HPS3: variants seen among roughly 807,000 people sequenced by gnomAD.
HPS3 encodes BLOC-2 complex member HPS3.
HPS3 carries 79 observed loss-of-function variants against 110.9 expected under a neutral mutation model. The ratio of observed to expected loss-of-function variants is 0.71; its 90% CI spans 0.59 to 0.86. The LOEUF (loss-of-function observed/expected upper bound fraction) is 0.86. HPS3 is among the 40% of genes least tolerant of loss of function. The pLI, the probability that HPS3 is intolerant of heterozygous loss-of-function variation, is 0.00. For missense variants in HPS3, 1,197 were observed against 1,206.2 expected, an observed-to-expected ratio of 0.99 and a Z score of 0.11; for synonymous variants, 428 against 451.0, an observed-to-expected ratio of 0.95 and a Z score of 0.65.
chr3:149,138,846 T>A (rs1427285125), intron 1 of HPS3, among the ~76,000 whole-genome samples: 1 of 152,088 alleles, frequency 6.6e-6, no homozygotes, highest in African/African-American at 2.4e-5. Flanking sequence ...GCCGTGAGAG[T>A]CCATGTTTCT....
chr3:149,162,713 T>C lies in HPS3; in HGVS notation c.2316T>C (p.Asp772=), dbSNP rs1450433255. The C allele has an allele frequency of 1.9e-6, 3 of 1,613,904 alleles. No homozygotes were observed. Among genetic ancestry groups the C allele is most frequent in the Non-Finnish European group, 2.5e-6 (3 of 1,179,930 alleles). ...FFKVLCAKDE[D]TIPQLLVDFW... is the part of the protein sequence containing the mutation. ...AGGTGCTTTGTGCTAAGGATGAAGA[T>C]ACAATTCCTCAGCTCTTGGTAGACT... Residue 772 remains aspartate (D), a synonymous_variant, in exon 13 of 17, where the codon GAT becomes GAC. Transcript: ENST00000296051.
intron 15 of HPS3, 71 bp from the exon 16 acceptor site, chr3:149,167,819 ATCT>A: frequency 2.2e-6 from 2 of 924,018 alleles, no homozygotes; most frequent in Non-Finnish European, 3.6e-6. Context: ...TTCCTGCACA[ATCT>A]TCTTATTCTC....
At chr3:149,165,917 T>C (rs773314985) in intron 14 of HPS3, 6 of 430,534 alleles carry the variant, frequency 1.4e-5, no homozygotes, top group South Asian at 1.0e-4. Flanking sequence ...GAATAATTTA[T>C]TAAACTTGCA....
chr3:149,172,052 A>G (rs940184044), intron 16 of HPS3, 43 bp from the exon 17 acceptor site: 3 of 1,601,922 alleles, frequency 1.9e-6, no homozygotes, highest in South Asian at 1.1e-5. Flanking sequence ...ATTGAATGAA[A>G]GACAGACTTT....
chr3:149,158,514 A>G, intron 9 of HPS3, 152 bp from the exon 10 acceptor site: 3 of 735,572 alleles, frequency 4.1e-6, no homozygotes, highest in South Asian at 3.1e-5. Context: ...TTGACTAGGC[A>G]TGGTGGCTTA....
chr3:149,130,980 G>C (rs1260891597), intron 1 of HPS3, among the ~76,000 whole-genome samples: 1 of 152,102 alleles, frequency 6.6e-6, no homozygotes, highest in Non-Finnish European at 1.5e-5. Context: ...GTAAAGTTCA[G>C]TATTTACGTT....
chr3:149,145,108 A>T (rs1462166680), intron 4 of HPS3, among the ~76,000 whole-genome samples: 1 of 152,110 alleles, frequency 6.6e-6, no homozygotes, highest in Non-Finnish European at 1.5e-5. Context: ...TCTTTTTGTG[A>T]TGTTAACAGC....
At chr3:149,137,394 C>T (rs1722174459) in intron 1 of HPS3, among the ~76,000 whole-genome samples, 1 of 151,976 alleles carries the variant, frequency 6.6e-6, no homozygotes, top group South Asian at 2.1e-4. Context: ...ATAACACAGC[C>T]TATGTGGAAA....
chr3:149,153,740 T>A, intron 7 of HPS3, 92 bp downstream of exon 7: 2 of 1,331,320 alleles, frequency 1.5e-6, no homozygotes, highest in African/African-American at 2.9e-5. Context: ...AAATCATAAC[T>A]TGGAATGATC....
chr3:149,131,761 G>A (rs984513588), intron 1 of HPS3, among the ~76,000 whole-genome samples: 1 of 152,208 alleles, frequency 6.6e-6, no homozygotes, highest in East Asian at 1.9e-4. Context: ...AGGCAGGCGT[G>A]TCAGAAGCTG....
chr3:149,154,082 A>G (rs73019004), intron 7 of HPS3: 3,967 of 193,538 alleles, frequency 0.02, 190 homozygotes, highest in African/African-American at 0.089. Flanking sequence ...AAGCACATTT[A>G]TGATCTATAG....
intron 11 of HPS3, among the ~76,000 whole-genome samples, chr3:149,161,153 T>G (rs571729041): frequency 2.0e-5 from 3 of 152,200 alleles, no homozygotes; most frequent in Non-Finnish European, 4.4e-5. Flanking sequence ...GGAGAGCAAG[T>G]CAACATCGGA....
Position 149,157,292 on chromosome 3 carries a change from C to T in HPS3, c.1510-58C>T. 2.1e-6 allele frequency: 3 copies of T among 1,432,750 alleles called. No individual in the cohort carries two copies. The South Asian group carries it at 3.4e-5, about 16-fold the overall frequency. 88.8% of individuals were successfully genotyped at this position (1,432,750 alleles called of 1,614,324 possible). A position where few individuals can be genotyped will look rare whatever the true frequency, so the allele number is the denominator to read the frequency against. Reference sequence around the variant, plus strand: ...CAAAATATATAAATGTTTTTAAGAACTCAGGAACTTTTGAGAGTCTCTCTT... The same window carrying T: ...CAAAATATATAAATGTTTTTAAGAATTCAGGAACTTTTGAGAGTCTCTCTT... On this transcript the variant is annotated intron_variant, in intron 8 of 16. Transcript: ENST00000296051.
At chr3:149,171,383 C>T (rs1163630223) in intron 16 of HPS3, among the ~76,000 whole-genome samples, 1 of 152,078 alleles carries the variant, frequency 6.6e-6, no homozygotes, top group Non-Finnish European at 1.5e-5. Context: ...TGAAATGTTA[C>T]GTTAGGAACT....
chr3:149,130,616 C>G (rs11716066), intron 1 of HPS3, among the ~76,000 whole-genome samples: 28,143 of 152,030 alleles, frequency 0.19, 2,887 homozygotes, highest in African/African-American at 0.27. Flanking sequence ...CCCGTCTGTA[C>G]TAAAAATACA....
At chr3:149,159,993 T>G in intron 10 of HPS3, 53 bp from the exon 11 acceptor site, 4 of 1,338,390 alleles carry the variant, frequency 3.0e-6, no homozygotes, top group Non-Finnish European at 4.3e-6. Flanking sequence ...TTTTGTTGCT[T>G]TCTTCTGGCT....
chr3:149,153,458 T>C, intron 6 of HPS3, 36 bp from the exon 7 acceptor site: 1 of 1,583,932 alleles, frequency 6.3e-7, no homozygotes, highest in Non-Finnish European at 8.7e-7. Context: ...CATGTACCTT[T>C]ATTTCTTGCT....
Position 149,172,317 on chromosome 3 carries a change from A to AAC in HPS3, c.*95_*96insAC, listed in dbSNP as rs1559931139. Reference sequence around the variant, plus strand: ...AGTAGAGGAGTTTTTTATTTTATATATCACACACACACACACACACACACA... The same window carrying AAC: ...AGTAGAGGAGTTTTTTATTTTATATAACTCACACACACACACACACACACACA... On this transcript the variant is annotated 3_prime_UTR_variant, in exon 17 of 17. Coordinates refer to ENST00000296051, the MANE Select transcript of HPS3 (RefSeq NM_032383.5). 2.5e-5 allele frequency: 16 copies of AAC among 640,836 alleles called. No homozygotes were observed. The highest frequency in any genetic ancestry group is 2.0e-4 in the South Asian group (12 of 59,314). The allele number at this position is 640,836 out of a possible 1,614,324, so 39.7% of individuals were successfully genotyped here.
At chr3:149,167,325 C>A in intron 15 of HPS3, 85 bp downstream of exon 15, 1 of 1,027,454 alleles carries the variant, frequency 9.7e-7, no homozygotes, top group Non-Finnish European at 1.5e-6. Flanking sequence ...AAAATGGGGA[C>A]AATTTATGCT....
Sources: allele counts gnomAD v4.1 joint callset (sites outside exome capture counted in the v4.1 genomes callset), GRCh38; gene constraint gnomAD v4.1.1; transcripts MANE v1.5; gene names NCBI Gene and HGNC (gene_info 2026-07-23, HGNC 2026-07-21).